The following RYR2 variants were observed in gnomAD, a reference collection of about 807,000 sequenced individuals.
RYR2 encodes the protein ryanodine receptor 2.
A neutral mutation model predicts 601.1 loss-of-function variants in RYR2; 227 were observed. The observed-to-expected ratio is 0.38, with a 90% confidence interval of 0.34 to 0.42. RYR2 has a LOEUF of 0.42. RYR2 is among the 10% of genes least tolerant of loss of function. The pLI is 1.00. For missense variants in RYR2, 4,646 were observed against 6,156.5 expected, an observed-to-expected ratio of 0.75 and a Z score of 8.21; for synonymous variants, 2,223 against 2,175.1, an observed-to-expected ratio of 1.02 and a Z score of -0.61.
At chr1:237,309,655 T>C (rs1315903832) in intron 2 of RYR2, among the ~76,000 whole-genome samples, 1 of 152,168 alleles carries the variant, frequency 6.6e-6, no homozygotes, top group Admixed American at 6.5e-5. Context: ...GGGCGGTCGA[T>C]GGGACCAGGC....
chr1:237,270,373 G>C (rs1185971100), intron 1 of RYR2, 124 bp from the exon 2 acceptor site: 1 of 1,353,152 alleles, frequency 7.4e-7, no homozygotes, highest in Admixed American at 2.0e-5. Flanking sequence ...TTTTTTGACA[G>C]TAGTTTTTAC....
At chr1:237,137,730 A>G (rs952264010) in intron 1 of RYR2, among the ~76,000 whole-genome samples, 1 of 152,220 alleles carries the variant, frequency 6.6e-6, no homozygotes, top group Non-Finnish European at 1.5e-5. Flanking sequence ...GATTGATTTT[A>G]AGTAATTTTT....
intron 2 of RYR2, among the ~76,000 whole-genome samples, chr1:237,276,523 A>C (rs1368987282): frequency 6.6e-6 from 1 of 152,222 alleles, no homozygotes; most frequent in Admixed American, 6.5e-5. Flanking sequence ...ATAAGAAAGA[A>C]ATTGCTGAGT....
At chr1:237,262,251 T>TTTTTTTTTTG in intron 1 of RYR2, among the ~76,000 whole-genome samples, 1 of 103,746 alleles carries the variant, frequency 9.6e-6, no homozygotes, top group Non-Finnish European at 1.8e-5. Context: ...AAGAGTTTTT[T>TTTTTTTTTTG]TTTTTTTTTT....
intron 58 of RYR2, among the ~76,000 whole-genome samples, chr1:237,670,311 G>C (rs1375050895): frequency 1.5e-5 from 2 of 133,566 alleles, no homozygotes; most frequent in East Asian, 4.4e-4. Flanking sequence ...AGGGAGACTG[G>C]AGAGGGAGAG....
intron 1 of RYR2, among the ~76,000 whole-genome samples, chr1:237,200,624 A>G (rs567123341): frequency 9.6e-4 from 146 of 152,324 alleles, no homozygotes; most frequent in Middle Eastern, 3.4e-3. Flanking sequence ...TAAGTAGGAA[A>G]ACTGCAGATT....
intron 51 of RYR2, among the ~76,000 whole-genome samples, chr1:237,653,777 C>T (rs763467174): frequency 3.9e-5 from 6 of 152,172 alleles, no homozygotes; most frequent in East Asian, 1.9e-4. Context: ...GCCGAAGGCC[C>T]GTGAGCCCCT....
chr1:237,700,121 C>A, intron 64 of RYR2, 108 bp from the exon 65 acceptor site: 5 of 727,344 alleles, frequency 6.9e-6, no homozygotes, highest in Non-Finnish European at 1.1e-5. Flanking sequence ...AGTTGGTTAC[C>A]AGGTGAGTAG....
chr1:237,746,468 G>T (rs990071725), intron 80 of RYR2, among the ~76,000 whole-genome samples: 1 of 152,194 alleles, frequency 6.6e-6, no homozygotes, highest in African/African-American at 2.4e-5. Flanking sequence ...GAAGAATGCA[G>T]TAAAGCTCAA....
chr1:237,237,799 A>G (rs559938325), intron 1 of RYR2, among the ~76,000 whole-genome samples: 12 of 152,188 alleles, frequency 7.9e-5, no homozygotes, highest in South Asian at 2.1e-4. Flanking sequence ...AATAAGAGAC[A>G]TTTACCATCT....
chr1:237,068,096 G>A (rs1461786172), intron 1 of RYR2, among the ~76,000 whole-genome samples: 1 of 123,204 alleles, frequency 8.1e-6, no homozygotes, highest in East Asian at 2.4e-4. Flanking sequence ...TTCTCATCAT[G>A]TCAATCTCAG....
intron 3 of RYR2, among the ~76,000 whole-genome samples, chr1:237,354,300 T>G (rs1203136022): frequency 2.0e-5 from 3 of 152,160 alleles, no homozygotes; most frequent in Non-Finnish European, 4.4e-5. Flanking sequence ...AAATTCTTTC[T>G]TCTGAAAAAA....
chr1:237,317,067 C>T (rs919379857), intron 2 of RYR2, among the ~76,000 whole-genome samples: 7 of 152,186 alleles, frequency 4.6e-5, no homozygotes, highest in Non-Finnish European at 1.0e-4. Context: ...GATTGTGCTT[C>T]AAAGTAAATG....
At chr1:237,740,623 C>T (rs1691528456) in intron 79 of RYR2, among the ~76,000 whole-genome samples, 1 of 152,062 alleles carries the variant, frequency 6.6e-6, no homozygotes, top group Non-Finnish European at 1.5e-5. Flanking sequence ...TTGTGTCTCT[C>T]CTATGTTTCT....
intron 2 of RYR2, among the ~76,000 whole-genome samples, chr1:237,275,568 C>T (rs1690189221): frequency 6.6e-6 from 1 of 151,626 alleles, no homozygotes; most frequent in African/African-American, 2.4e-5. Context: ...ACAGATACAA[C>T]TTTTACAAAG....
At chr1:237,142,664 T>C (rs550921787) in intron 1 of RYR2, among the ~76,000 whole-genome samples, 4 of 152,248 alleles carry the variant, frequency 2.6e-5, no homozygotes, top group Admixed American at 2.0e-4. Context: ...GCAAAGAGAT[T>C]TCCCATGTCA....
chr1:237,482,115 A>C (rs147548201), intron 17 of RYR2, among the ~76,000 whole-genome samples: 1 of 152,296 alleles, frequency 6.6e-6, no homozygotes, highest in Non-Finnish European at 1.5e-5. Flanking sequence ...ACAGGCATGC[A>C]ATGTGAAATA....
chr1:237,472,289 T>C (rs1012140098), intron 17 of RYR2, among the ~76,000 whole-genome samples: 2 of 152,202 alleles, frequency 1.3e-5, no homozygotes, highest in Admixed American at 6.5e-5. Context: ...ACTCTCCTCA[T>C]CTCGTTAGTG....
intron 11 of RYR2, among the ~76,000 whole-genome samples, chr1:237,419,394 A>T (rs1354156287): frequency 1.3e-5 from 2 of 151,812 alleles, no homozygotes; most frequent in African/African-American, 4.8e-5. Flanking sequence ...ATAAATCTAG[A>T]TTATTCTTCA....
Sources: gnomAD v4.1 joint callset for allele counts (sites outside exome capture counted in the v4.1 genomes callset) on GRCh38, gnomAD v4.1.1 for gene constraint, MANE v1.5 for transcripts, NCBI Gene and HGNC (gene_info 2026-07-23, HGNC 2026-07-21) for gene names.